LVRN: variants seen among roughly 807,000 people sequenced by gnomAD.
LVRN encodes laeverin, also known as aminopeptidase Q.
In LVRN, 99 loss-of-function variants were observed where a neutral mutation model predicts 111.4. That is an observed-to-expected ratio of 0.89 (90% CI 0.76 to 1.05). LVRN has a LOEUF of 1.05. Ranked by LOEUF, LVRN falls within the 50% of genes least tolerant of loss-of-function variation. LVRN has a pLI of 0.00. For missense variants in LVRN, 1,414 were observed against 1,206.8 expected (o/e 1.17, Z -2.54); for synonymous variants, 488 against 449.5 (o/e 1.09, Z -1.08).
chr5:116,010,158 A>G (rs957982173), intron 13 of LVRN, among the ~76,000 whole-genome samples: 4 of 152,210 alleles, frequency 2.6e-5, no homozygotes, highest in African/African-American at 9.6e-5. Flanking sequence ...GTTGACAATA[A>G]GCTACTTTTA....
At chr5:115,983,939 T>C (rs950610374) in intron 2 of LVRN, among the ~76,000 whole-genome samples, 3 of 152,160 alleles carry the variant, frequency 2.0e-5, no homozygotes, top group Admixed American at 1.3e-4. Context: ...GGACTTTAGT[T>C]GAAAAGGGAA....
intron 11 of LVRN, 71 bp downstream of exon 11, chr5:116,002,982 G>A: frequency 7.7e-7 from 1 of 1,291,332 alleles, no homozygotes; most frequent in Non-Finnish European, 1.1e-6. Context: ...ATATTGAAAA[G>A]TCTAGCTTTT....
intron 10 of LVRN, among the ~76,000 whole-genome samples, 163 bp downstream of exon 10, chr5:116,001,402 G>A (rs1482702070): frequency 1.3e-5 from 2 of 152,122 alleles, no homozygotes. Flanking sequence ...TCCGGGCAAC[G>A]CCAGAGACCC....
At position 115,963,143 on chromosome 5, in the gene LVRN, G is replaced by C; in HGVS notation, c.526G>C (p.Val176Leu). 6.2e-7 allele frequency: 1 copy of C among 1,613,298 alleles called. No individual in the cohort carries two copies. Among genetic ancestry groups the C allele is most frequent in the East Asian group, 2.2e-5 (1 of 44,870 alleles). The change falls in exon 1 of 20, where the codon GTG becomes CTG. Residue 176 changes from valine to leucine, a missense_variant. Coordinates refer to ENST00000357872, the MANE Select transcript of LVRN (RefSeq NM_173800.5). ...TGNATVGRVP[V>L]DDVWFALDTE... ...GAACGCCACAGTGGGCCGCGTGCCC[G>C]TGGACGACGTGTGGTTCGCGCTGGA...
At chr5:116,005,890 A>G (rs1207133133) in intron 12 of LVRN, 22 bp from the exon 13 acceptor site, 16 of 1,578,438 alleles carry the variant, frequency 1.0e-5, no homozygotes, top group East Asian at 2.2e-5. Context: ...TCTTCTGGGC[A>G]TATTTGGGTC....
At position 115,987,847 on chromosome 5, in the gene LVRN, A is replaced by G. The variant is rs2112577852; in HGVS notation, c.1013A>G (p.Asn338Ser). Residue 338 changes from asparagine to serine, a missense_variant, in exon 4 of 20, where the codon AAT (asparagine) becomes AGT (serine). Asn to Ser is a conservative substitution (Grantham distance 46). Transcript: ENST00000357872. ...TGGGCCCGGAAAGATGCAATTGCAA[A>G]TGGAAGTGCAGACTTTGCTTTGAAC... The part of the protein sequence containing the change: ...RIWARKDAIA[N>S]GSADFALNIT... 1 of 1,613,068 alleles carries G rather than the reference A, an allele frequency of 6.2e-7. No homozygotes were observed. Among genetic ancestry groups the G allele is most frequent in the South Asian group, 1.1e-5 (1 of 90,908 alleles).
intron 15 of LVRN, among the ~76,000 whole-genome samples, chr5:116,012,910 A>G (rs990223728): frequency 1.3e-5 from 2 of 152,214 alleles, no homozygotes; most frequent in African/African-American, 2.4e-5. Context: ...GATATAGATC[A>G]GTCACTGCTA....
At chr5:115,977,705 C>A (rs1308526222) in intron 1 of LVRN, among the ~76,000 whole-genome samples, 1 of 152,270 alleles carries the variant, frequency 6.6e-6, no homozygotes, top group African/African-American at 2.4e-5. Flanking sequence ...ATTCTGGTAC[C>A]ACTGTGCACT....
chr5:116,011,281 G>C lies in LVRN; in HGVS notation c.2247+387G>C, dbSNP rs1022659935. Among the ~76,000 whole-genome samples, 7 of 151,636 alleles carry C rather than the reference G, an allele frequency of 4.6e-5. No individual in the cohort carries two copies. In the South Asian group the frequency reaches 1.5e-3, roughly 32 times the overall value. On this transcript the variant is annotated intron_variant, in intron 14 of 19. Transcript: ENST00000357872. Reference sequence around the variant, plus strand: ...AGCCAGAATGAAATGTAACAACTCTGTGTTTATAATTTCAATATTCTGACT... The same window carrying C: ...AGCCAGAATGAAATGTAACAACTCTCTGTTTATAATTTCAATATTCTGACT...
intron 10 of LVRN, 100 bp from the exon 11 acceptor site, chr5:116,002,735 C>G: frequency 1.2e-6 from 1 of 829,690 alleles, no homozygotes. Context: ...ACCAAAGAAA[C>G]TGAGTTCTGT....
At chr5:116,015,214 C>G in intron 16 of LVRN, 38 bp from the exon 17 acceptor site, 3 of 1,466,590 alleles carry the variant, frequency 2.0e-6, no homozygotes, top group Non-Finnish European at 2.7e-6. Context: ...GTAAACATAA[C>G]TACTATGAAA....
intron 14 of LVRN, among the ~76,000 whole-genome samples, 167 bp from the exon 15 acceptor site, chr5:116,012,207 G>A (rs1748504893): frequency 6.6e-6 from 1 of 151,898 alleles, no homozygotes; most frequent in Non-Finnish European, 1.5e-5. Flanking sequence ...AACCGAAAGA[G>A]GTTAAAAAAT....
intron 1 of LVRN, 31 bp downstream of exon 1, chr5:115,963,343 G>C (rs760480849): frequency 1.3e-6 from 2 of 1,518,226 alleles, no homozygotes; most frequent in South Asian, 1.3e-5. Flanking sequence ...GGCCCCTCTC[G>C]GCCCCCGCCC....
chr5:115,984,589 T>C lies in LVRN; in HGVS notation c.858T>C (p.Asp286=), dbSNP rs1178499773. 2.5e-6 allele frequency: 4 copies of C among 1,613,458 alleles called. No individual in the cohort carries two copies. The African/African-American group carries it at 4.0e-5, about 16-fold the overall frequency. ...MPKLGQSEKE[D]VNGSKWTVTT... is the part of the protein sequence containing the mutation. ...CTCTAGGTCAGTCTGAAAAAGAAGA[T>C]GTGAATGGAAGCAAATGGACTGTTA... The change falls in exon 3 of 20, where the codon GAT becomes GAC. Residue 286 remains aspartate (D), a synonymous_variant. Transcript: ENST00000357872.
chr5:116,015,477 A>G (rs1228744478), intron 17 of LVRN, 58 bp downstream of exon 17: 2 of 1,458,152 alleles, frequency 1.4e-6, no homozygotes, highest in Admixed American at 4.9e-5. Context: ...TTAATAAAGG[A>G]AAAAAAATAG....
intron 1 of LVRN, among the ~76,000 whole-genome samples, chr5:115,973,573 A>G (rs774016439): frequency 9.9e-5 from 15 of 152,156 alleles, no homozygotes; most frequent in Non-Finnish European, 2.1e-4. Flanking sequence ...TATGACTTAA[A>G]TTTATCTAAT....
At chr5:115,984,457 T>G in intron 2 of LVRN, 113 bp from the exon 3 acceptor site, 1 of 1,296,370 alleles carries the variant, frequency 7.7e-7, no homozygotes, top group Non-Finnish European at 1.1e-6. Flanking sequence ...ACTGCTAGAC[T>G]ATGAGGAATA....
At chr5:116,021,071 A>G (rs1748719071) in intron 18 of LVRN, 2 of 152,222 alleles carry the variant, frequency 1.3e-5, no homozygotes, top group African/African-American at 2.4e-5. Flanking sequence ...TGAAGTTGAC[A>G]AGAGCAGGAA....
intron 1 of LVRN, among the ~76,000 whole-genome samples, chr5:115,982,648 C>T (rs1753584352): frequency 6.6e-6 from 1 of 152,056 alleles, no homozygotes; most frequent in East Asian, 1.9e-4. Flanking sequence ...TAAGCTTTTC[C>T]CTGTAAGTCA....
Sources: gnomAD v4.1 joint callset for allele counts (sites outside exome capture counted in the v4.1 genomes callset) on GRCh38, gnomAD v4.1.1 for gene constraint, MANE v1.5 for transcripts, NCBI Gene and HGNC (gene_info 2026-07-23, HGNC 2026-07-21) for gene names.